Variants in USH2A observed in about 807,000 individuals in gnomAD.
The protein encoded by USH2A is usherin.
Under a neutral mutation model 538.9 loss-of-function variants are expected in USH2A, and 443 were observed. The ratio of observed to expected loss-of-function variants is 0.82; its 90% confidence interval spans 0.76 to 0.89. USH2A has a LOEUF of 0.89. USH2A is among the 40% of genes least tolerant of loss of function. USH2A has a pLI of 0.00. For missense variants in USH2A, 6,633 were observed against 6,324.8 expected, an observed-to-expected ratio of 1.05 and a Z score of -1.65; for synonymous variants, 2,413 against 2,273.5, an observed-to-expected ratio of 1.06 and a Z score of -1.75.
intron 61 of USH2A, among the ~76,000 whole-genome samples, chr1:215,686,429 G>A (rs980076116): frequency 1.3e-4 from 20 of 152,054 alleles, no homozygotes; most frequent in African/African-American, 4.6e-4. Context: ...AGGAACAGTA[G>A]AAAGTTCTGG....
At position 215,628,982 on chromosome 1, in the gene USH2A, G is replaced by A. The variant is rs1656164982; in HGVS notation, c.15351C>T (p.Ser5117=). 2 of 1,613,958 alleles carry A rather than the reference G, an allele frequency of 1.2e-6. No individual in the cohort carries two copies. Among genetic ancestry groups the A allele is most frequent in the South Asian group, 2.2e-5 (2 of 91,068 alleles). The change falls in exon 71 of 72, where the codon AGC becomes AGT. Residue 5117 remains serine (S), a synonymous_variant. Coordinates refer to ENST00000307340, the MANE Select transcript of USH2A (RefSeq NM_206933.4). ...TGCGCAGGACACATGCACTCCGGTT[G>A]CTGCGGATACTCACAGGTGTCCCAG... ...PRSGTPVSIR[S]NRSACVLRIP...
intron 35 of USH2A, among the ~76,000 whole-genome samples, chr1:215,986,669 C>T (rs1448183792): frequency 1.3e-5 from 2 of 152,194 alleles, no homozygotes; most frequent in African/African-American, 2.4e-5. Flanking sequence ...AGGAAGATTC[C>T]TCTCTGCTGT....
chr1:216,023,459 C>CAAAAAAAA lies in USH2A; in HGVS notation c.6326-22905_6326-22898dup. ...CCTCTTAAAAACTGTTCAAAGCAGA[C>CAAAAAAAA]AAAAAAAAAAAAAAAAAAAAAAATC... On this transcript the variant is annotated intron_variant, in intron 32 of 71. Transcript: ENST00000307340. Among the ~76,000 whole-genome samples, 224 of 46,892 alleles carry CAAAAAAAA rather than the reference C, an allele frequency of 4.8e-3. 7 individuals carry two copies. Among genetic ancestry groups the CAAAAAAAA allele is most frequent in the Middle Eastern group, 0.016 (1 of 64 alleles). The allele number at this position is 46,892 out of a possible 152,430, so 30.8% of individuals were successfully genotyped here.
At chr1:215,725,869 A>C (rs1659801877) in intron 61 of USH2A, among the ~76,000 whole-genome samples, 1 of 152,202 alleles carries the variant, frequency 6.6e-6, no homozygotes, top group South Asian at 2.1e-4. Context: ...AATAGAGCCT[A>C]GAAGATTAAA....
chr1:215,698,150 C>T (rs1658879577), intron 61 of USH2A, among the ~76,000 whole-genome samples: 1 of 152,214 alleles, frequency 6.6e-6, no homozygotes, highest in Non-Finnish European at 1.5e-5. Flanking sequence ...CTGCAGAGGA[C>T]ATGAACTCAT....
chr1:216,286,800 C>A (rs1267960689), intron 11 of USH2A, among the ~76,000 whole-genome samples: 1 of 151,984 alleles, frequency 6.6e-6, no homozygotes. Context: ...TTCTTCCCAG[C>A]AGTACAAAAA....
At chr1:215,630,856 A>C (rs531276202) in intron 70 of USH2A, among the ~76,000 whole-genome samples, 90 of 151,214 alleles carry the variant, frequency 6.0e-4, no homozygotes, top group Non-Finnish European at 1.0e-3. Context: ...TCTCAAAAAC[A>C]AACAAATTAA....
chr1:216,394,285 A>C (rs532509187), intron 3 of USH2A, among the ~76,000 whole-genome samples: 45 of 151,888 alleles, frequency 3.0e-4, no homozygotes, highest in African/African-American at 1.1e-3. Context: ...AGAAACTTTA[A>C]ACATACACCT....
At chr1:216,275,653 T>C (rs1462506856) in intron 11 of USH2A, among the ~76,000 whole-genome samples, 1 of 152,126 alleles carries the variant, frequency 6.6e-6, no homozygotes, top group Non-Finnish European at 1.5e-5. Flanking sequence ...AGTAACTTTA[T>C]AAAATATTCA....
At chr1:216,398,563 C>A (rs4396174) in intron 3 of USH2A, among the ~76,000 whole-genome samples, 2 of 72,580 alleles carry the variant, frequency 2.8e-5, no homozygotes, top group African/African-American at 5.4e-5. Context: ...CATACACACA[C>A]ACACACTCTC....
At chr1:216,009,528 C>T (rs1229700091) in intron 32 of USH2A, among the ~76,000 whole-genome samples, 2 of 152,138 alleles carry the variant, frequency 1.3e-5, no homozygotes, top group African/African-American at 4.8e-5. Flanking sequence ...CACATCGGTC[C>T]CTTCCTAGTC....
chr1:216,230,643 T>C (rs752796688), intron 14 of USH2A, among the ~76,000 whole-genome samples: 7 of 151,752 alleles, frequency 4.6e-5, no homozygotes, highest in Non-Finnish European at 1.0e-4. Context: ...TAATGAGGAG[T>C]GGAACAGCCA....
chr1:216,201,349 C>A (rs112929751), intron 16 of USH2A, among the ~76,000 whole-genome samples: 343 of 149,534 alleles, frequency 2.3e-3, no homozygotes, highest in African/African-American at 8.1e-3. Flanking sequence ...GACTTTGTCA[C>A]CCAGGCTGGA....
intron 35 of USH2A, among the ~76,000 whole-genome samples, chr1:215,978,595 T>C (rs1042537850): frequency 1.3e-5 from 2 of 152,158 alleles, no homozygotes; most frequent in African/African-American, 4.8e-5. Flanking sequence ...GAGTTAAACA[T>C]AGGTATAATT....
At chr1:216,329,889 T>C (rs569688225) in intron 4 of USH2A, among the ~76,000 whole-genome samples, 177 of 152,126 alleles carry the variant, frequency 1.2e-3, no homozygotes, top group African/African-American at 4.1e-3. Flanking sequence ...TAATGAGATA[T>C]CAAGGAGAAA....
intron 9 of USH2A, among the ~76,000 whole-genome samples, chr1:216,294,527 GT>G (rs779152347): frequency 2.1e-4 from 31 of 144,242 alleles, no homozygotes; most frequent in East Asian, 4.0e-4. Context: ...TACACATTTA[GT>G]TTTTTTTTTT....
rs2030048649 is a variant in USH2A at position 216,037,637 on chromosome 1, G to A, written c.6325+8794C>T. Among the ~76,000 whole-genome samples the A allele has an allele frequency of 2.6e-5, 4 of 151,986 alleles. 1 individual carries two copies. In the South Asian group the frequency reaches 8.3e-4, roughly 32 times the overall value. On this transcript the variant is annotated intron_variant, in intron 32 of 71. Transcript: ENST00000307340. ...TCTGCTCTTGTCTGTAGCTGATCTGGGTGCAACAGTTTTGGCACCCACTAA... is the reference window on the plus strand; with the variant it reads ...TCTGCTCTTGTCTGTAGCTGATCTGAGTGCAACAGTTTTGGCACCCACTAA...
chr1:215,970,072 C>T (rs1370132631), intron 36 of USH2A, among the ~76,000 whole-genome samples: 1 of 152,060 alleles, frequency 6.6e-6, no homozygotes, highest in Non-Finnish European at 1.5e-5. Flanking sequence ...TATAGATATA[C>T]ATTTCAGATA....
At chr1:215,917,978 A>T (rs967051619) in intron 38 of USH2A, among the ~76,000 whole-genome samples, 4 of 151,628 alleles carry the variant, frequency 2.6e-5, no homozygotes, top group Admixed American at 6.6e-5. Context: ...CAAAACAAAA[A>T]ATGACTGAGG....
Sources: allele counts gnomAD v4.1 joint callset (sites outside exome capture counted in the v4.1 genomes callset), GRCh38; gene constraint gnomAD v4.1.1; transcripts MANE v1.5; gene names NCBI Gene and HGNC (gene_info 2026-07-23, HGNC 2026-07-21).